ATXN7: variants seen among roughly 807,000 people sequenced by gnomAD.
ATXN7 encodes the protein ataxin 7.
A neutral mutation model predicts 70.5 loss-of-function variants in ATXN7; 12 were observed. The observed-to-expected ratio is 0.17, with a 90% CI of 0.11 to 0.28. ATXN7 has a LOEUF of 0.28. Ranked by LOEUF, ATXN7 falls within the 10% of genes least tolerant of loss-of-function variation. The pLI, the probability that ATXN7 is intolerant of heterozygous loss-of-function variation, is 1.00. For synonymous variants in ATXN7, 498 were observed against 448.7 expected (o/e 1.11, Z -1.39); for missense variants, 1,256 against 1,131.7 (o/e 1.11, Z -1.58).
chr3:63,998,203 G>GGT (rs1303097939), intron 12 of ATXN7: 11 of 949,776 alleles, frequency 1.2e-5, no homozygotes, highest in Non-Finnish European at 1.2e-5. Context: ...GGACAGAAGG[G>GGT]GGGGGGGCCA....
chr3:63,910,361 G>A (rs886110028), intron 2 of ATXN7, among the ~76,000 whole-genome samples: 5 of 152,162 alleles, frequency 3.3e-5, no homozygotes, highest in Admixed American at 2.6e-4. Context: ...CTTGGTGGCC[G>A]CAAGCTTTTC....
intron 1 of ATXN7, chr3:63,878,343 C>T (rs1702805129): frequency 6.6e-6 from 1 of 152,218 alleles, no homozygotes; most frequent in Non-Finnish European, 1.5e-5. Context: ...AAGTAACAGA[C>T]TCCTACCTAG....
intron 1 of ATXN7, among the ~76,000 whole-genome samples, chr3:63,869,596 T>C (rs1702539038): frequency 6.6e-6 from 1 of 152,174 alleles, no homozygotes; most frequent in Non-Finnish European, 1.5e-5. Flanking sequence ...AGCTCATTTT[T>C]GTATTTTTAG....
chr3:63,996,658 A>C (rs1359485880), intron 12 of ATXN7, 175 bp downstream of exon 12: 1 of 808,310 alleles, frequency 1.2e-6, no homozygotes, highest in African/African-American at 1.7e-5. Context: ...CGGCCGTATG[A>C]AGGTAAAACA....
Position 64,000,411 on chromosome 3 carries a change from G to A in ATXN7, c.*944G>A, listed in dbSNP as rs949767892. ...GTAAACAGTATGGCAGATTGGGTTG[G>A]TTGTCCTACCTGGTCTATTTTTAAA... On this transcript the variant is annotated 3_prime_UTR_variant, in exon 13 of 13. Coordinates refer to ENST00000674280, the MANE Select transcript of ATXN7 (RefSeq NM_001377405.1). 1 of 152,482 alleles carries A rather than the reference G, an allele frequency of 6.6e-6. No homozygotes were observed. Among genetic ancestry groups the A allele is most frequent in the Non-Finnish European group, 1.5e-5 (1 of 67,998 alleles). 9.4% of individuals were successfully genotyped at this position (152,482 alleles called of 1,614,324 possible).
At chr3:63,936,909 CT>C (rs10715056) in intron 4 of ATXN7, among the ~76,000 whole-genome samples, 8,801 of 152,174 alleles carry the variant, frequency 0.058, 694 homozygotes, top group African/African-American at 0.17. Flanking sequence ...AATATTCAAG[CT>C]TATAGTAAAG....
chr3:63,923,296 T>G (rs1704574719), intron 4 of ATXN7, among the ~76,000 whole-genome samples: 1 of 152,228 alleles, frequency 6.6e-6, no homozygotes, highest in Admixed American at 6.5e-5. Flanking sequence ...CCAGGTTTTC[T>G]GATGGGTGTT....
chr3:63,984,784 A>G (rs768552266), intron 8 of ATXN7, among the ~76,000 whole-genome samples: 1 of 152,030 alleles, frequency 6.6e-6, no homozygotes, highest in Non-Finnish European at 1.5e-5. Context: ...GTAACTCCTT[A>G]TTTCGCTCTC....
At chr3:63,931,651 A>G (rs182571981) in intron 4 of ATXN7, among the ~76,000 whole-genome samples, 1 of 152,102 alleles carries the variant, frequency 6.6e-6, no homozygotes, top group Middle Eastern at 3.4e-3. Context: ...TATTTTTTCA[A>G]ATACCCTTGA....
At chr3:63,915,854 G>GT (rs1704242991) in intron 4 of ATXN7, among the ~76,000 whole-genome samples, 1 of 151,802 alleles carries the variant, frequency 6.6e-6, no homozygotes. Context: ...GCTAATTTTT[G>GT]TATTTTTTAT....
chr3:63,929,782 G>A (rs1704872471), intron 4 of ATXN7, among the ~76,000 whole-genome samples: 1 of 152,098 alleles, frequency 6.6e-6, no homozygotes, highest in South Asian at 2.1e-4. Flanking sequence ...CTTTAGACTT[G>A]GTCATGTTAC....
At chr3:63,878,114 C>G (rs1267353772) in intron 1 of ATXN7, among the ~76,000 whole-genome samples, 1 of 152,180 alleles carries the variant, frequency 6.6e-6, no homozygotes, top group Admixed American at 6.5e-5. Flanking sequence ...ATGGTTGGTT[C>G]TCTTCCTCTC....
At chr3:63,891,345 G>A (rs1456980615) in intron 1 of ATXN7, among the ~76,000 whole-genome samples, 1 of 150,478 alleles carries the variant, frequency 6.6e-6, no homozygotes, top group Non-Finnish European at 1.5e-5. Context: ...AAGAGATGGG[G>A]TCTTGCTCTT....
At chr3:63,943,936 A>G (rs536348917) in intron 4 of ATXN7, among the ~76,000 whole-genome samples, 18 of 152,304 alleles carry the variant, frequency 1.2e-4, no homozygotes, top group African/African-American at 3.6e-4. Flanking sequence ...CATTCATGGC[A>G]GAGTTACCTT....
chr3:63,936,455 T>G (rs573179153), intron 4 of ATXN7, among the ~76,000 whole-genome samples: 3 of 152,316 alleles, frequency 2.0e-5, no homozygotes, highest in African/African-American at 7.2e-5. Flanking sequence ...AATGGAAACC[T>G]GCTATAAAAT....
chr3:63,995,045 C>T (rs927036779), intron 11 of ATXN7, among the ~76,000 whole-genome samples: 5 of 152,196 alleles, frequency 3.3e-5, no homozygotes, highest in Non-Finnish European at 7.3e-5. Context: ...CTTCTCTCGA[C>T]ATTTATTCAG....
chr3:63,881,467 T>C (rs1187136298), intron 1 of ATXN7, among the ~76,000 whole-genome samples: 2 of 151,952 alleles, frequency 1.3e-5, no homozygotes, highest in African/African-American at 2.4e-5. Flanking sequence ...ACTGGCCTTG[T>C]TCATTGTGGT....
At chr3:63,992,532 A>G (rs772743572) in intron 11 of ATXN7, among the ~76,000 whole-genome samples, 1 of 152,196 alleles carries the variant, frequency 6.6e-6, no homozygotes, top group Non-Finnish European at 1.5e-5. Context: ...TGGATTTCTG[A>G]ATGTTTTATC....
At chr3:63,867,061 A>T (rs1200030099) in intron 1 of ATXN7, 1 of 151,908 alleles carries the variant, frequency 6.6e-6, no homozygotes, top group Non-Finnish European at 1.5e-5. Context: ...AGAGCTAGCT[A>T]TATATGGTCT....
Sources: allele counts gnomAD v4.1 joint callset (sites outside exome capture counted in the v4.1 genomes callset), GRCh38; gene constraint gnomAD v4.1.1; transcripts MANE v1.5; gene names NCBI Gene and HGNC (gene_info 2026-07-23, HGNC 2026-07-21).